The following ZFAT variants were observed in gnomAD, a reference collection of about 807,000 sequenced individuals.
The protein encoded by ZFAT is zinc finger protein ZFAT.
Under a neutral mutation model 117.7 loss-of-function variants are expected in ZFAT, and 64 were observed. The ratio of observed to expected loss-of-function variants is 0.54; its 90% CI spans 0.44 to 0.67. The LOEUF is 0.67. ZFAT is among the 30% of genes least tolerant of loss of function. The pLI is 0.00. For missense variants in ZFAT, 1,433 were observed against 1,584.5 expected (o/e 0.90, Z 1.62); for synonymous variants, 679 against 615.0 (o/e 1.10, Z -1.54).
rs73709609 is a variant in ZFAT, at chr8:134,494,785, A to T, written c.3492+14834T>A. 4.6e-3 allele frequency among the ~76,000 whole-genome samples: 699 copies of T among 152,338 alleles called. 6 individuals carry two copies. Among genetic ancestry groups the T allele is most frequent in the African/African-American group, 0.016 (658 of 41,578 alleles). On this transcript the variant is annotated intron_variant, in intron 15 of 15. Transcript: ENST00000377838. Reference sequence around the variant, plus strand: ...ATAAACCATTTAAATCACTCATCAAACTTATCGAGGTAAGTTCATTAGTAG... The same window carrying T: ...ATAAACCATTTAAATCACTCATCAATCTTATCGAGGTAAGTTCATTAGTAG...
chr8:134,755,668 T>C, the ZFAT span, among the ~76,000 whole-genome samples: 10 of 150,898 alleles, frequency 6.6e-5, no homozygotes, highest in African/African-American at 2.2e-4. Flanking sequence ...AAAAATTGTC[T>C]GGGTGTGGTG....
chr8:134,661,200 C>G (rs991786058), intron 1 of ZFAT, among the ~76,000 whole-genome samples: 1 of 152,192 alleles, frequency 6.6e-6, no homozygotes, highest in Admixed American at 6.5e-5. Context: ...GGCGCGTGGG[C>G]AGGAGACATG....
chr8:134,759,312 C>A, the ZFAT span, among the ~76,000 whole-genome samples: 1 of 152,138 alleles, frequency 6.6e-6, no homozygotes, highest in Non-Finnish European at 1.5e-5. Context: ...AAGGGTCAGG[C>A]CTCATTCTGG....
chr8:134,686,366 G>A (rs1802668931), intron 1 of ZFAT, among the ~76,000 whole-genome samples: 1 of 152,174 alleles, frequency 6.6e-6, no homozygotes, highest in African/African-American at 2.4e-5. Flanking sequence ...GCTGGGACCA[G>A]AGACTTCTGG....
intron 1 of ZFAT, among the ~76,000 whole-genome samples, chr8:134,708,903 G>C (rs892150063): frequency 3.3e-5 from 5 of 152,188 alleles, no homozygotes; most frequent in African/African-American, 1.2e-4. Context: ...AGTGAGCCAA[G>C]ATCACACCAT....
chr8:134,828,467 T>C, the ZFAT span, among the ~76,000 whole-genome samples: 1 of 151,640 alleles, frequency 6.6e-6, no homozygotes, highest in Non-Finnish European at 1.5e-5. Context: ...CTCTTATCCT[T>C]CAAACCCCTT....
intron 2 of ZFAT, among the ~76,000 whole-genome samples, chr8:134,647,017 A>G (rs1481304664): frequency 1.3e-5 from 2 of 152,206 alleles, no homozygotes; most frequent in African/African-American, 4.8e-5. Flanking sequence ...AAAAAAATTA[A>G]AGAGGAGGGA....
chr8:134,483,011 A>G (rs1817423651), intron 15 of ZFAT, among the ~76,000 whole-genome samples: 1 of 152,216 alleles, frequency 6.6e-6, no homozygotes, highest in Admixed American at 6.5e-5. Context: ...ACGTGTAGAG[A>G]GGACGAAGGA....
upstream of ZFAT, among the ~76,000 whole-genome samples, chr8:134,713,283 C>G (rs1167147930): frequency 1.3e-5 from 2 of 152,238 alleles, no homozygotes; most frequent in Non-Finnish European, 2.9e-5. Flanking sequence ...TGTGCCAGGC[C>G]TCTGCTAGCG....
In ZFAT at chr8:134,583,926, G is replaced by C; in HGVS notation, c.2793C>G (p.His931Gln). Residue 931 changes from histidine to glutamine, a missense_variant, in exon 10 of 16, where the codon CAC (histidine) becomes CAG (glutamine). Physicochemically the swap from His to Gln is conservative, Grantham distance 24. Around this residue, in one of 5 missense-constraint regions of ZFAT, gnomAD observed 503 missense variants for 543.4 expected, o/e 0.93. Transcript: ENST00000377838. Reference protein sequence around the residue: ...KSNLKAHMNRHSTEKTHLCDM... With the variant: ...KSNLKAHMNRQSTEKTHLCDM... ...CACATAGGTGGGTTTTCTCAGTGCT[G>C]TGACGATTCATATGAGCCTTGAGGT... 1 of 1,602,144 alleles carries C rather than the reference G, an allele frequency of 6.2e-7. No individual in the cohort carries two copies. The highest frequency in any genetic ancestry group is 8.5e-7 in the Non-Finnish European group (1 of 1,173,754).
the ZFAT span, among the ~76,000 whole-genome samples, chr8:134,819,498 C>CG: frequency 6.4e-5 from 2 of 31,184 alleles, no homozygotes; most frequent in African/African-American, 1.7e-4. Context: ...GATTTACCAC[C>CG]CCCCCCCCCC....
rs541127533 is a variant in ZFAT, at chr8:134,510,141, C to T, written c.3362-392G>A. Reference sequence around the variant, plus strand: ...GGAGCACCCAGCAAGCCCGTTCAGCCGCAGACTCAATGAAAGTGTGTGCCA... The same window carrying T: ...GGAGCACCCAGCAAGCCCGTTCAGCTGCAGACTCAATGAAAGTGTGTGCCA... On this transcript the variant is annotated intron_variant, in intron 14 of 15. Transcript: ENST00000377838. The T allele has an allele frequency of 1.2e-4, 54 of 458,100 alleles. No homozygotes were observed. In the Middle Eastern group the frequency reaches 1.3e-3, roughly 11 times the overall value. The allele number at this position is 458,100 out of a possible 1,614,324, so 28.4% of individuals were successfully genotyped here. A position where few individuals can be genotyped will look rare whatever the true frequency, so the allele number is the denominator to read the frequency against.
chr8:134,564,134 A>C (rs1824250348), intron 11 of ZFAT, among the ~76,000 whole-genome samples: 1 of 150,682 alleles, frequency 6.6e-6, no homozygotes, highest in South Asian at 2.1e-4. Context: ...CTGCCTGGGC[A>C]ACAGAGGAGC....
At chr8:134,693,857 G>C (rs917489704) in intron 1 of ZFAT, among the ~76,000 whole-genome samples, 1 of 152,210 alleles carries the variant, frequency 6.6e-6, no homozygotes, top group African/African-American at 2.4e-5. Context: ...TAACTTTACA[G>C]TGAAGAAACC....
chr8:134,768,766 A>T, the ZFAT span, among the ~76,000 whole-genome samples: 1 of 152,210 alleles, frequency 6.6e-6, no homozygotes, highest in African/African-American at 2.4e-5. Context: ...CAGTCAAACC[A>T]TATTATTCTG....
intron 2 of ZFAT, among the ~76,000 whole-genome samples, chr8:134,640,078 G>A (rs143789312): frequency 2.0e-5 from 3 of 152,284 alleles, no homozygotes; most frequent in Middle Eastern, 3.4e-3. Context: ...AAAGCTCCAC[G>A]TCTAGAACCT....
chr8:134,556,599 T>C (rs1823645693), intron 11 of ZFAT, among the ~76,000 whole-genome samples: 2 of 151,708 alleles, frequency 1.3e-5, no homozygotes, highest in African/African-American at 2.4e-5. Flanking sequence ...TCATTACACA[T>C]AGAGAAACAA....
In ZFAT at chr8:134,506,888, C is replaced by T. The variant is rs572882557; in HGVS notation, c.3492+2731G>A. ...CATAGTAATCTGAAACATTGTTCTG[C>T]GATATACATCACATACTTTATGATG... On this transcript the variant is annotated intron_variant, in intron 15 of 15. Transcript: ENST00000377838. 2.6e-5 allele frequency among the ~76,000 whole-genome samples: 4 copies of T among 152,302 alleles called. No individual in the cohort carries two copies. The East Asian group carries it at 5.8e-4, about 22-fold the overall frequency.
the ZFAT span, among the ~76,000 whole-genome samples, chr8:134,768,613 C>T: frequency 2.6e-5 from 4 of 152,278 alleles, no homozygotes; most frequent in South Asian, 8.3e-4. Flanking sequence ...GGGAAACTCC[C>T]TTTTTAAAAC....
Sources: gnomAD v4.1 joint callset for allele counts (sites outside exome capture counted in the v4.1 genomes callset) on GRCh38, gnomAD v4.1.1 for gene constraint, gnomAD v4.1.1 regional missense constraint, MANE v1.5 for transcripts, NCBI Gene and HGNC (gene_info 2026-07-23, HGNC 2026-07-21) for gene names.